Variants in OSTN observed in about 807,000 individuals in gnomAD.
The protein encoded by OSTN is osteocrin.
Under a neutral mutation model 12.0 loss-of-function variants are expected in OSTN, and 9 were observed. The ratio of observed to expected loss-of-function variants is 0.75; its 90% CI spans 0.45 to 1.30. OSTN has a LOEUF of 1.30. Ranked by LOEUF, OSTN falls within the 50% of genes most tolerant of loss-of-function variation. The pLI, the probability that OSTN is intolerant of heterozygous loss-of-function variation, is 0.00. For missense variants in OSTN, 148 were observed against 152.3 expected (o/e 0.97, Z 0.15); for synonymous variants, 59 against 56.9 (o/e 1.04, Z -0.16).
At chr3:191,242,707 A>G (rs1234463640) in intron 3 of OSTN, among the ~76,000 whole-genome samples, 1 of 152,168 alleles carries the variant, frequency 6.6e-6, no homozygotes, top group Non-Finnish European at 1.5e-5. Context: ...ATTAATTTCA[A>G]CGTATTAAAA....
intron 2 of OSTN, among the ~76,000 whole-genome samples, chr3:191,217,876 C>T (rs114597921): frequency 0.015 from 2,343 of 151,396 alleles, 45 homozygotes; most frequent in African/African-American, 0.048. Context: ...TTAGTAATGG[C>T]TTGAGTTAGT....
At chr3:191,243,983 A>T (rs902216419) in intron 3 of OSTN, among the ~76,000 whole-genome samples, 1 of 152,056 alleles carries the variant, frequency 6.6e-6, no homozygotes, top group East Asian at 1.9e-4. Context: ...TTACTCTGGG[A>T]CTGAGCCATG....
intron 1 of OSTN, among the ~76,000 whole-genome samples, chr3:191,200,516 T>C (rs1714128476): frequency 6.6e-6 from 1 of 152,166 alleles, no homozygotes; most frequent in Admixed American, 6.6e-5. Flanking sequence ...ATTGAACTTG[T>C]CTCAAAAATA....
intron 1 of OSTN, among the ~76,000 whole-genome samples, chr3:191,207,922 G>T (rs1294332039): frequency 1.3e-5 from 2 of 152,142 alleles, no homozygotes; most frequent in Non-Finnish European, 2.9e-5. Flanking sequence ...CATGTGGAAA[G>T]TCCTTAAAAT....
chr3:191,246,407 A>C (rs953825824), intron 3 of OSTN, among the ~76,000 whole-genome samples: 1 of 151,942 alleles, frequency 6.6e-6, no homozygotes, highest in Non-Finnish European at 1.5e-5. Flanking sequence ...GGAGTTTGAG[A>C]CCAGCCTGGC....
intron 3 of OSTN, among the ~76,000 whole-genome samples, chr3:191,235,645 C>T (rs1212142980): frequency 6.6e-6 from 1 of 152,150 alleles, no homozygotes; most frequent in Non-Finnish European, 1.5e-5. Context: ...TGCTATGCCC[C>T]TCATCCTCAC....
rs145663463 is a variant in OSTN at position 191,265,315 on chromosome 3, A to T, written c.*2462A>T. 1.3e-5 allele frequency: 2 copies of T among 152,240 alleles called. No individual in the cohort carries two copies. The highest frequency in any genetic ancestry group is 3.9e-4 in the East Asian group (2 of 5,180). The allele number at this position is 152,240 out of a possible 1,614,324, so 9.4% of individuals were successfully genotyped here. The stretch of plus-strand genomic sequence containing the variant: ...AGAGCAAATGAATATATGTATATGG[A>T]GTTCTGGGTTCTAGTGTCAATTACA... On this transcript the variant is annotated 3_prime_UTR_variant, in exon 5 of 5. Transcript: ENST00000682035.
intron 4 of OSTN, among the ~76,000 whole-genome samples, chr3:191,255,029 G>C (rs1213527697): frequency 6.6e-6 from 1 of 152,128 alleles, no homozygotes; most frequent in Non-Finnish European, 1.5e-5. Flanking sequence ...TCGGCGCCGG[G>C]GACTGGTTTC....
intron 3 of OSTN, among the ~76,000 whole-genome samples, chr3:191,224,378 GAAA>G (rs77662219): frequency 2.9e-5 from 2 of 67,976 alleles, no homozygotes; most frequent in Non-Finnish European, 3.1e-5. Context: ...CTCCATCTCA[GAAA>G]AAAAAAAAAA....
Position 191,260,817 on chromosome 3 carries a change from GAAC to G in OSTN, c.*13-2044_*13-2042del, listed in dbSNP as rs568517100. On this transcript the variant is annotated intron_variant, in intron 4 of 4. Coordinates refer to ENST00000682035, the MANE Select transcript of OSTN (RefSeq NM_198184.2). ...AACTTTATTTGGTATCCCTCTTTAT[GAAC>G]AACACAGAAAGACAGAGACAAAGAA... 1.1e-3 allele frequency among the ~76,000 whole-genome samples: 170 copies of G among 152,202 alleles called. 1 individual carries two copies. Among genetic ancestry groups the G allele is most frequent in the Non-Finnish European group, 1.9e-3 (127 of 68,008 alleles).
chr3:191,199,863 T>G (rs1000028041), intron 1 of OSTN, among the ~76,000 whole-genome samples: 3 of 152,120 alleles, frequency 2.0e-5, no homozygotes, highest in Non-Finnish European at 2.9e-5. Flanking sequence ...GTATGCCTGT[T>G]CTTCAGTATT....
rs938508480 is a variant in OSTN at position 191,233,137 on chromosome 3, C to CA, written c.317+14183dup. On this transcript the variant is annotated intron_variant, in intron 3 of 4. Coordinates refer to ENST00000682035, the MANE Select transcript of OSTN (RefSeq NM_198184.2). ...AAAAAGGTCCACCAGGAGATGGAAA[C>CA]AAAAAAATTCATGAAAGCTAGGGAA... Among the ~76,000 whole-genome samples the CA allele has an allele frequency of 1.2e-3, 178 of 151,830 alleles. 1 individual carries two copies. Among genetic ancestry groups the CA allele is most frequent in the African/African-American group, 4.1e-3 (169 of 41,422 alleles).
At chr3:191,257,504 C>T (rs1400254053) in intron 4 of OSTN, among the ~76,000 whole-genome samples, 1 of 152,062 alleles carries the variant, frequency 6.6e-6, no homozygotes, top group Non-Finnish European at 1.5e-5. Flanking sequence ...AGAATCTAAT[C>T]TCCCAGCAGG....
rs779548793 is a variant in OSTN, at chr3:191,218,877, C to T, written c.233C>T (p.Thr78Ile). ...LVSLENDVIE[T>I]KKKRSFSGFG... ...TCCCTAGAAAATGATGTGATTGAGA[C>T]AAAGAAGAAAAGGAGTTTCTCTGGT... is the stretch of plus-strand genomic sequence containing the variant. The change falls in exon 3 of 5, where the codon ACA (threonine) becomes ATA (isoleucine). Residue 78 changes from threonine to isoleucine, a missense_variant. Coordinates refer to ENST00000682035, the MANE Select transcript of OSTN (RefSeq NM_198184.2). 1.9e-6 allele frequency: 3 copies of T among 1,613,958 alleles called. No homozygotes were observed. The highest frequency in any genetic ancestry group is 2.5e-6 in the Non-Finnish European group (3 of 1,180,006).
intron 4 of OSTN, among the ~76,000 whole-genome samples, chr3:191,262,379 TTAATA>T (rs1715831757): frequency 6.6e-6 from 1 of 152,230 alleles, no homozygotes; most frequent in Non-Finnish European, 1.5e-5. Context: ...TTCAAATAAA[TTAATA>T]TAACTCAAAT....
intron 1 of OSTN, among the ~76,000 whole-genome samples, chr3:191,200,721 A>G (rs950871766): frequency 5.3e-5 from 8 of 152,140 alleles, no homozygotes; most frequent in African/African-American, 1.9e-4. Context: ...ATGTCAGTCA[A>G]TTTTCCCTAT....
chr3:191,200,133 G>A (rs1188783779), intron 1 of OSTN, among the ~76,000 whole-genome samples: 1 of 152,060 alleles, frequency 6.6e-6, no homozygotes, highest in Admixed American at 6.6e-5. Flanking sequence ...GCCTATATAA[G>A]TTATAGAATT....
At chr3:191,213,006 G>A (rs1351854505) in intron 2 of OSTN, among the ~76,000 whole-genome samples, 1 of 151,098 alleles carries the variant, frequency 6.6e-6, no homozygotes, top group Non-Finnish European at 1.5e-5. Flanking sequence ...AAGTAGCTGG[G>A]ATTATAGGCA....
chr3:191,228,805 G>C (rs1002390724), intron 3 of OSTN: 10 of 152,170 alleles, frequency 6.6e-5, no homozygotes, highest in African/African-American at 2.4e-4. Flanking sequence ...AGAAATTGTG[G>C]AATTAGTAAA....
Sources: allele counts gnomAD v4.1 joint callset (sites outside exome capture counted in the v4.1 genomes callset), GRCh38; gene constraint gnomAD v4.1.1; transcripts MANE v1.5; gene names NCBI Gene and HGNC (gene_info 2026-07-23, HGNC 2026-07-21).